The following NRXN1 variants were observed in gnomAD, a reference collection of about 807,000 sequenced individuals.
NRXN1 encodes the protein neurexin 1, also known as neurexin-1.
A neutral mutation model predicts 150.9 loss-of-function variants in NRXN1; 39 were observed. The observed-to-expected ratio is 0.26, with a 90% CI of 0.20 to 0.34. The LOEUF is 0.34. Among genes scored for constraint, NRXN1 ranks in the 10% least tolerant of loss-of-function variants. The probability of loss-of-function intolerance (pLI) is 1.00; values close to 1 mark genes in which losing one functional copy is unlikely to be tolerated. For synonymous variants in NRXN1, 924 were observed against 757.0 expected, an observed-to-expected ratio of 1.22 and a Z score of -3.62; for missense variants, 1,815 against 1,949.9, an observed-to-expected ratio of 0.93 and a Z score of 1.30.
At chr2:50,248,034 CAG>C (rs1000567706) in intron 17 of NRXN1, among the ~76,000 whole-genome samples, 9 of 151,944 alleles carry the variant, frequency 5.9e-5, no homozygotes, top group African/African-American at 1.9e-4. Flanking sequence ...TTTATTGAGA[CAG>C]AGTCTCATTC....
chr2:50,293,228 G>A (rs561873869), intron 17 of NRXN1, among the ~76,000 whole-genome samples: 1 of 151,936 alleles, frequency 6.6e-6, no homozygotes, highest in Non-Finnish European at 1.5e-5. Flanking sequence ...CTGACTGCTC[G>A]CTCTGGACTT....
intron 17 of NRXN1, among the ~76,000 whole-genome samples, chr2:50,396,055 A>T (rs995475061): frequency 2.6e-5 from 4 of 152,166 alleles, no homozygotes; most frequent in Non-Finnish European, 5.9e-5. Flanking sequence ...AGTTTTCATA[A>T]ACTAAAATTA....
At chr2:50,669,246 A>G (rs1688496008) in intron 5 of NRXN1, among the ~76,000 whole-genome samples, 1 of 151,986 alleles carries the variant, frequency 6.6e-6, no homozygotes, top group Admixed American at 6.6e-5. Flanking sequence ...GGTGGAGCTC[A>G]GTTTATTAAG....
chr2:50,528,500 A>G (rs549814984), intron 12 of NRXN1, 125 bp downstream of exon 12: 26 of 648,360 alleles, frequency 4.0e-5, no homozygotes, highest in African/African-American at 3.4e-4. Context: ...ATGGACTGGT[A>G]TACTTTAAAA....
chr2:50,673,615 T>G (rs897380076), intron 5 of NRXN1, among the ~76,000 whole-genome samples: 16 of 152,082 alleles, frequency 1.1e-4, no homozygotes, highest in Admixed American at 1.0e-3. Flanking sequence ...GTTGCTTTAT[T>G]TTGTTTTATT....
intron 18 of NRXN1, among the ~76,000 whole-genome samples, chr2:50,174,253 G>A (rs918264215): frequency 1.3e-5 from 2 of 152,034 alleles, no homozygotes; most frequent in African/African-American, 4.8e-5. Flanking sequence ...AGAACAAGAC[G>A]ATCTCTATCA....
chr2:50,677,078 T>A (rs1158026975), intron 5 of NRXN1, among the ~76,000 whole-genome samples: 1 of 152,176 alleles, frequency 6.6e-6, no homozygotes, highest in Non-Finnish European at 1.5e-5. Context: ...ATGAACTATA[T>A]AAGCCACAAA....
intron 12 of NRXN1, among the ~76,000 whole-genome samples, chr2:50,514,224 A>T (rs992066013): frequency 6.6e-6 from 1 of 152,182 alleles, no homozygotes; most frequent in African/African-American, 2.4e-5. Context: ...GGAATTTTTT[A>T]AAAATACTAG....
At chr2:50,290,784 T>C (rs922513012) in intron 17 of NRXN1, among the ~76,000 whole-genome samples, 2 of 152,070 alleles carry the variant, frequency 1.3e-5, no homozygotes, top group Non-Finnish European at 2.9e-5. Context: ...AGTGGTAAAA[T>C]GTCCAGATCT....
Position 50,775,313 on chromosome 2 carries a change from C to T in NRXN1, c.832+146556G>A, listed in dbSNP as rs190387216. Reference sequence around the variant, plus strand: ...CCTAAGAGGACAGTCAAAATCTCAGCAACACTGTATTTTCCTTGCTTCTGT... The same window carrying T: ...CCTAAGAGGACAGTCAAAATCTCAGTAACACTGTATTTTCCTTGCTTCTGT... On this transcript the variant is annotated intron_variant, in intron 5 of 22. Coordinates refer to ENST00000401669, the MANE Select transcript of NRXN1 (RefSeq NM_001330078.2). 4.0e-4 allele frequency among the ~76,000 whole-genome samples: 61 copies of T among 152,252 alleles called. 1 individual carries two copies. Among genetic ancestry groups the T allele is most frequent in the African/African-American group, 1.4e-3 (59 of 41,576 alleles).
At chr2:50,477,984 T>C (rs778190136) in intron 15 of NRXN1, among the ~76,000 whole-genome samples, 1 of 152,156 alleles carries the variant, frequency 6.6e-6, no homozygotes, top group East Asian at 1.9e-4. Flanking sequence ...GCACATTCTA[T>C]GGGAAGGGTG....
At chr2:51,014,554 C>G (rs1668380059) in intron 2 of NRXN1, among the ~76,000 whole-genome samples, 3 of 151,940 alleles carry the variant, frequency 2.0e-5, no homozygotes, top group Admixed American at 2.0e-4. Flanking sequence ...ATACAGACTT[C>G]TTTGAAACAC....
chr2:50,962,765 C>T (rs1693416461), intron 2 of NRXN1, among the ~76,000 whole-genome samples: 1 of 151,530 alleles, frequency 6.6e-6, no homozygotes, highest in Admixed American at 6.6e-5. Flanking sequence ...ATCAAGTTGA[C>T]CAGTTCTGTG....
At chr2:50,968,777 T>C (rs1408034151) in intron 2 of NRXN1, among the ~76,000 whole-genome samples, 1 of 152,112 alleles carries the variant, frequency 6.6e-6, no homozygotes, top group Non-Finnish European at 1.5e-5. Context: ...CACATAATAG[T>C]TGAGTTTTGT....
In NRXN1 at chr2:50,677,868, T is replaced by G. The variant is rs539508798; in HGVS notation, c.833-54253A>C. The stretch of plus-strand genomic sequence containing the variant: ...GAGAGAACCACAAGAGGCATATTAG[T>G]GCTTCCTGCAGTACAAATCACCACC... On this transcript the variant is annotated intron_variant, in intron 5 of 22. Coordinates refer to ENST00000401669, the MANE Select transcript of NRXN1 (RefSeq NM_001330078.2). Among the ~76,000 whole-genome samples the G allele has an allele frequency of 7.8e-4, 118 of 152,204 alleles. 1 individual carries two copies. Among genetic ancestry groups the G allele is most frequent in the Middle Eastern group, 3.4e-3 (1 of 294 alleles).
rs2078086076 is a variant in NRXN1, at chr2:50,347,311, T to TG, written c.3365-110342dup. 8 of 1,262,878 alleles carry TG rather than the reference T, an allele frequency of 6.3e-6. No homozygotes were observed. The highest frequency in any genetic ancestry group is 1.5e-5 in the African/African-American group (1 of 64,612). 78.2% of individuals were successfully genotyped at this position (1,262,878 alleles called of 1,614,324 possible). On this transcript the variant is annotated intron_variant, in intron 17 of 22. Transcript: ENST00000401669. The surrounding 1 kb of genome is among the most constrained non-coding windows in gnomAD (Gnocchi z 4.9). ...TCGGGCGAGAGTGCGTGCCGGCGGGTGGGGGGCCGAGAAATTGTTTAAAGC... is the reference window on the plus strand; with the variant it reads ...TCGGGCGAGAGTGCGTGCCGGCGGGTGGGGGGGCCGAGAAATTGTTTAAAGC...
intron 21 of NRXN1, among the ~76,000 whole-genome samples, chr2:50,049,352 T>C (rs1438267943): frequency 1.3e-5 from 2 of 152,138 alleles, no homozygotes; most frequent in African/African-American, 4.8e-5. Flanking sequence ...ATCTTAGAGC[T>C]GAGTACAACT....
At chr2:51,023,560 C>G (rs1352097092) in intron 2 of NRXN1, among the ~76,000 whole-genome samples, 8 of 152,208 alleles carry the variant, frequency 5.3e-5, no homozygotes, top group African/African-American at 1.9e-4. Context: ...TCAGCTGACA[C>G]TATTTTAAGT....
At chr2:50,451,175 ACCAGGCTGGTCTGGAACTC>A (rs918392595) in intron 17 of NRXN1, among the ~76,000 whole-genome samples, 8 of 152,064 alleles carry the variant, frequency 5.3e-5, no homozygotes, top group Non-Finnish European at 1.2e-4. Context: ...TGCCATGTTG[ACCAGGCTGGTCTGGAACTC>A]CCAGGCTCAA....
Sources: gnomAD v4.1 joint callset for allele counts (sites outside exome capture counted in the v4.1 genomes callset) on GRCh38, gnomAD v4.1.1 for gene constraint, Gnocchi (gnomAD v3.1) non-coding constraint, MANE v1.5 for transcripts, NCBI Gene and HGNC (gene_info 2026-07-23, HGNC 2026-07-21) for gene names.